The following EVA1C variants were observed in gnomAD, a reference collection of about 807,000 sequenced individuals.
The protein encoded by EVA1C is eva-1 homolog C, also known as protein eva-1 homolog C.
In EVA1C, 25 loss-of-function variants were observed where a neutral mutation model predicts 45.4. The ratio of observed to expected loss-of-function variants is 0.55; its 90% CI spans 0.40 to 0.77. The LOEUF is 0.77. Ranked by LOEUF, EVA1C falls within the 30% of genes least tolerant of loss-of-function variation. The pLI, the probability that EVA1C is intolerant of heterozygous loss-of-function variation, is 0.00. For synonymous variants in EVA1C, 190 were observed against 221.2 expected (o/e 0.86, Z 1.25); for missense variants, 479 against 554.8 (o/e 0.86, Z 1.37).
intron 7 of EVA1C, among the ~76,000 whole-genome samples, chr21:32,505,805 C>T (rs2037706495): frequency 6.6e-6 from 1 of 152,124 alleles, no homozygotes; most frequent in Non-Finnish European, 1.5e-5. Flanking sequence ...CCAATTCTAT[C>T]AGATTAGGAT....
intron 1 of EVA1C, among the ~76,000 whole-genome samples, chr21:32,420,035 G>A (rs944457442): frequency 7.9e-5 from 12 of 152,156 alleles, no homozygotes; most frequent in African/African-American, 1.7e-4. Flanking sequence ...GGGGTATCTC[G>A]TTCTGCCACC....
At chr21:32,466,004 C>A (rs1180035021) in intron 3 of EVA1C, among the ~76,000 whole-genome samples, 4 of 152,220 alleles carry the variant, frequency 2.6e-5, no homozygotes, top group Non-Finnish European at 5.9e-5. Flanking sequence ...CACCTTCAGC[C>A]TCAGGCACCC....
chr21:32,480,713 A>T (rs1568929827), intron 4 of EVA1C, among the ~76,000 whole-genome samples: 1 of 152,194 alleles, frequency 6.6e-6, no homozygotes, highest in Admixed American at 6.5e-5. Context: ...CTATAATCCC[A>T]GCACTTTGGG....
chr21:32,418,314 A>T (rs1196045001), intron 1 of EVA1C, among the ~76,000 whole-genome samples: 1 of 152,220 alleles, frequency 6.6e-6, no homozygotes. Context: ...AGAGAGATGA[A>T]TAGCCAGTGT....
At chr21:32,446,968 G>A (rs548305482) in intron 1 of EVA1C, among the ~76,000 whole-genome samples, 27 of 152,142 alleles carry the variant, frequency 1.8e-4, no homozygotes, top group Non-Finnish European at 3.4e-4. Context: ...TAGGAACTCT[G>A]GTCCCTTGCG....
chr21:32,451,405 T>A (rs1370799166), intron 1 of EVA1C, among the ~76,000 whole-genome samples: 1 of 152,150 alleles, frequency 6.6e-6, no homozygotes. Flanking sequence ...GGATGAACCT[T>A]CCTTCCTCCT....
intron 1 of EVA1C, among the ~76,000 whole-genome samples, chr21:32,445,502 C>T (rs1044701342): frequency 1.3e-5 from 2 of 152,202 alleles, no homozygotes; most frequent in African/African-American, 4.8e-5. Context: ...GTTTGTGCGA[C>T]CCAGTTCCCA....
intron 1 of EVA1C, among the ~76,000 whole-genome samples, chr21:32,440,903 C>G (rs1412199746): frequency 6.6e-6 from 1 of 152,142 alleles, no homozygotes; most frequent in African/African-American, 2.4e-5. Context: ...AAGTTTGAGA[C>G]CAGCCTGACC....
intron 7 of EVA1C, among the ~76,000 whole-genome samples, chr21:32,507,835 G>T (rs1314717241): frequency 6.6e-6 from 1 of 151,596 alleles, no homozygotes; most frequent in East Asian, 1.9e-4. Context: ...TTGCATGTGT[G>T]TGCATGTGTC....
intron 3 of EVA1C, among the ~76,000 whole-genome samples, chr21:32,464,978 C>G (rs1205278635): frequency 6.6e-6 from 1 of 152,118 alleles, no homozygotes; most frequent in Non-Finnish European, 1.5e-5. Context: ...TTAAGGTGGG[C>G]GTTTTCAAAT....
chr21:32,444,089 C>CAT (rs1375983653), intron 1 of EVA1C, among the ~76,000 whole-genome samples: 1 of 146,840 alleles, frequency 6.8e-6, no homozygotes, highest in Non-Finnish European at 1.5e-5. Context: ...CACACACACA[C>CAT]ACAAACTCAA....
chr21:32,504,135 T>C (rs1386880859), intron 7 of EVA1C, 120 bp downstream of exon 7: 1 of 687,270 alleles, frequency 1.5e-6, no homozygotes, highest in Non-Finnish European at 2.5e-6. Context: ...AAGTTTAACA[T>C]GCCAACCACC....
intron 1 of EVA1C, among the ~76,000 whole-genome samples, chr21:32,448,469 C>G (rs2035444567): frequency 6.6e-6 from 1 of 152,152 alleles, no homozygotes; most frequent in African/African-American, 2.4e-5. Context: ...ACATGATGGC[C>G]AGCTCGCCCG....
chr21:32,495,154 T>C lies in EVA1C; in HGVS notation c.762T>C (p.Thr254=), dbSNP rs149253304. ...TGCCAGGCGTGAAAAAATACCTCAC[T>C]GTGACCTACGCATGTGGTAAGAACA... ...PCLPGVKKYL[T]VTYACVPKNI... is the part of the protein sequence containing the mutation. Residue 254 remains threonine, a synonymous_variant, in exon 5 of 8, where the codon ACT becomes ACC. Transcript: ENST00000300255. The C allele has an allele frequency of 3.2e-5, 52 of 1,614,072 alleles. No individual in the cohort carries two copies. The highest frequency in any genetic ancestry group is 1.0e-4 in the Admixed American group (6 of 60,010).
chr21:32,464,783 C>A (rs1018431205), intron 3 of EVA1C, among the ~76,000 whole-genome samples: 3 of 152,064 alleles, frequency 2.0e-5, no homozygotes, highest in African/African-American at 7.2e-5. Flanking sequence ...GATTGCACCC[C>A]CCGCACTCCA....
At chr21:32,485,186 ACTCT>A (rs2036931600) in intron 4 of EVA1C, among the ~76,000 whole-genome samples, 1 of 151,004 alleles carries the variant, frequency 6.6e-6, no homozygotes, top group African/African-American at 2.4e-5. Flanking sequence ...GATGTTGATC[ACTCT>A]CTTTTTTTTT....
chr21:32,470,822 G>T (rs1372948796), intron 4 of EVA1C, among the ~76,000 whole-genome samples: 7 of 150,930 alleles, frequency 4.6e-5, no homozygotes, highest in South Asian at 2.1e-4. Flanking sequence ...GCAATGGTGC[G>T]ATCTCGGCTC....
At position 32,515,284 on chromosome 21, in the gene EVA1C, G is replaced by T; in HGVS notation, c.*94G>T. ...TGGTTCACCTGTACCTTCTATGAAGGAGAATTCGTCATGTCATTCAACACT... is the reference window on the plus strand; with the variant it reads ...TGGTTCACCTGTACCTTCTATGAAGTAGAATTCGTCATGTCATTCAACACT... On this transcript the variant is annotated 3_prime_UTR_variant, in exon 8 of 8. Coordinates refer to ENST00000300255, the MANE Select transcript of EVA1C (RefSeq NM_058187.5). The T allele has an allele frequency of 7.3e-7, 1 of 1,370,618 alleles. No individual in the cohort carries two copies. The highest frequency in any genetic ancestry group is 2.3e-5 in the East Asian group (1 of 42,894). 84.9% of individuals were successfully genotyped at this position (1,370,618 alleles called of 1,614,324 possible).
intron 1 of EVA1C, among the ~76,000 whole-genome samples, chr21:32,451,718 C>T (rs1045228441): frequency 4.6e-5 from 7 of 152,278 alleles, no homozygotes; most frequent in South Asian, 2.1e-4. Flanking sequence ...TGGCCGGCAA[C>T]GCTCGGCATT....
Sources: allele counts gnomAD v4.1 joint callset (sites outside exome capture counted in the v4.1 genomes callset), GRCh38; gene constraint gnomAD v4.1.1; transcripts MANE v1.5; gene names NCBI Gene and HGNC (gene_info 2026-07-23, HGNC 2026-07-21).